The following CNOT4 variants were observed in gnomAD, a reference collection of about 807,000 sequenced individuals.
The protein encoded by CNOT4 is CCR4-NOT transcription complex subunit 4.
In CNOT4, 8 loss-of-function variants were observed where a neutral mutation model predicts 73.8. The ratio of observed to expected loss-of-function variants is 0.11; its 90% CI spans 0.06 to 0.20. The LOEUF (loss-of-function observed/expected upper bound fraction) is 0.20. CNOT4 is among the 10% of genes least tolerant of loss of function. CNOT4 has a pLI of 1.00. For synonymous variants in CNOT4, 293 were observed against 321.1 expected, an observed-to-expected ratio of 0.91 and a Z score of 0.94; for missense variants, 564 against 883.4, an observed-to-expected ratio of 0.64 and a Z score of 4.58.
chr7:135,397,977 T>A (rs1311600784), intron 8 of CNOT4, among the ~76,000 whole-genome samples, 192 bp downstream of exon 8: 1 of 152,016 alleles, frequency 6.6e-6, no homozygotes, highest in African/African-American at 2.4e-5. Context: ...TTCTGAGTCA[T>A]TAAAAAAGGG....
At chr7:135,426,923 C>CA (rs34873636) in intron 2 of CNOT4, among the ~76,000 whole-genome samples, 919 of 69,910 alleles carry the variant, frequency 0.013, 8 homozygotes, top group African/African-American at 0.033. Context: ...AACTCCATCT[C>CA]AAAAAAAAAA....
intron 7 of CNOT4, among the ~76,000 whole-genome samples, chr7:135,401,870 T>G (rs1201942315): frequency 1.3e-5 from 2 of 152,186 alleles, no homozygotes; most frequent in African/African-American, 4.8e-5. Flanking sequence ...ATCAAGATGC[T>G]GAAGTCCATA....
At chr7:135,490,129 C>A (rs1803010175) in intron 1 of CNOT4, among the ~76,000 whole-genome samples, 1 of 152,154 alleles carries the variant, frequency 6.6e-6, no homozygotes, top group Non-Finnish European at 1.5e-5. Flanking sequence ...CGTTCATTTT[C>A]TTCACAATTT....
At chr7:135,505,982 CA>C (rs1161420960) in intron 1 of CNOT4, among the ~76,000 whole-genome samples, 1 of 152,200 alleles carries the variant, frequency 6.6e-6, no homozygotes, top group Admixed American at 6.5e-5. Context: ...AAAAGTCCCA[CA>C]TATCTTCTTT....
chr7:135,508,669 T>C (rs372691868), intron 1 of CNOT4, among the ~76,000 whole-genome samples: 139 of 152,288 alleles, frequency 9.1e-4, no homozygotes, highest in African/African-American at 3.2e-3. Context: ...AAATAAAATG[T>C]CATCAATTAA....
intron 1 of CNOT4, among the ~76,000 whole-genome samples, chr7:135,469,802 G>A (rs1801460078): frequency 6.6e-6 from 1 of 151,308 alleles, no homozygotes; most frequent in African/African-American, 2.4e-5. Flanking sequence ...TGTTGTTGGT[G>A]GTGATGTGTG....
intron 2 of CNOT4, among the ~76,000 whole-genome samples, chr7:135,428,751 G>A (rs1310378602): frequency 6.6e-6 from 1 of 152,044 alleles, no homozygotes. Context: ...GAGTCACAGA[G>A]GAGAAGAAAG....
chr7:135,507,486 A>C (rs994719265), intron 1 of CNOT4, among the ~76,000 whole-genome samples: 4 of 152,236 alleles, frequency 2.6e-5, no homozygotes, highest in African/African-American at 4.8e-5. Flanking sequence ...TAAACGTACT[A>C]AAGATACAAA....
At chr7:135,475,254 C>T (rs191899337) in intron 1 of CNOT4, among the ~76,000 whole-genome samples, 38 of 152,288 alleles carry the variant, frequency 2.5e-4, no homozygotes, top group African/African-American at 8.9e-4. Flanking sequence ...ACCAGACTTT[C>T]AGGGTGAAGA....
intron 1 of CNOT4, among the ~76,000 whole-genome samples, chr7:135,464,630 A>G (rs1409492114): frequency 6.6e-6 from 1 of 152,134 alleles, no homozygotes; most frequent in African/African-American, 2.4e-5. Context: ...GTGTTTACCT[A>G]TGTAACAAAC....
chr7:135,474,276 ATTTTTT>A (rs869203152), intron 1 of CNOT4, among the ~76,000 whole-genome samples: 225 of 87,994 alleles, frequency 2.6e-3, no homozygotes, highest in Non-Finnish European at 4.3e-3. Context: ...CTGTGCCCAA[ATTTTTT>A]TTTTTTTTTT....
chr7:135,481,326 G>GA (rs910534838), intron 1 of CNOT4, among the ~76,000 whole-genome samples: 1 of 151,732 alleles, frequency 6.6e-6, no homozygotes, highest in Non-Finnish European at 1.5e-5. Context: ...ACAAGTATAT[G>GA]AAAAAAATGT....
chr7:135,451,516 C>T (rs1257211457), intron 1 of CNOT4, among the ~76,000 whole-genome samples: 1 of 152,018 alleles, frequency 6.6e-6, no homozygotes, highest in Non-Finnish European at 1.5e-5. Context: ...TGGTCTCGAA[C>T]TCCTGGACTC....
At chr7:135,412,357 TAGAC>T (rs1554430226) in intron 6 of CNOT4, among the ~76,000 whole-genome samples, 3 of 151,932 alleles carry the variant, frequency 2.0e-5, no homozygotes, top group Admixed American at 6.6e-5. Context: ...TAAATTCTGA[TAGAC>T]AGAAATTGAT....
chr7:135,506,131 T>A (rs1485925848), intron 1 of CNOT4, among the ~76,000 whole-genome samples: 3 of 152,206 alleles, frequency 2.0e-5, no homozygotes, highest in Non-Finnish European at 2.9e-5. Flanking sequence ...GAATGGATAT[T>A]TGCAGATTTT....
intron 1 of CNOT4, among the ~76,000 whole-genome samples, chr7:135,500,931 G>A (rs560241636): frequency 2.0e-5 from 3 of 150,444 alleles, no homozygotes; most frequent in Non-Finnish European, 2.9e-5. Context: ...CTATTCTCCA[G>A]TGAATATCTT....
At chr7:135,434,764 G>C (rs1799051076) in intron 2 of CNOT4, among the ~76,000 whole-genome samples, 1 of 152,062 alleles carries the variant, frequency 6.6e-6, no homozygotes, top group African/African-American at 2.4e-5. Flanking sequence ...TTTCTAATAG[G>C]AATCTCATAC....
At chr7:135,420,247 C>T (rs1313170290) in intron 3 of CNOT4, among the ~76,000 whole-genome samples, 1 of 151,874 alleles carries the variant, frequency 6.6e-6, no homozygotes, top group African/African-American at 2.4e-5. Context: ...GATAAAAGTT[C>T]CATTCATTTA....
In CNOT4 at chr7:135,363,995, T is replaced by C. The variant is rs775266666; in HGVS notation, c.1699A>G (p.Ile567Val). The change falls in exon 11 of 12, where the codon ATT becomes GTT. Residue 567 changes from isoleucine (I) to valine (V), a missense_variant. By Grantham distance (29) the Ile-to-Val change is conservative. Coordinates refer to ENST00000541284, the MANE Select transcript of CNOT4 (RefSeq NM_001190850.2). This position sits in a 1 kb window ranked among gnomAD's most constrained non-coding sequence, Gnocchi z 4.3. Reference protein sequence around the residue: ...QDGLRALLPNININFGGLPNS... With the variant: ...QDGLRALLPNVNINFGGLPNS... ...GGCAGTCCACCAAAGTTGATGTTAA[T>C]GTTGGGTAGAAGTGCCCTTAGCCCG... is the stretch of plus-strand genomic sequence containing the variant. 3 of 1,598,518 alleles carry C rather than the reference T, an allele frequency of 1.9e-6. No homozygotes were observed. Among genetic ancestry groups the C allele is most frequent in the East Asian group, 2.2e-5 (1 of 44,868 alleles).
Sources: gnomAD v4.1 joint callset for allele counts (sites outside exome capture counted in the v4.1 genomes callset) on GRCh38, gnomAD v4.1.1 for gene constraint, Gnocchi (gnomAD v3.1) non-coding constraint, MANE v1.5 for transcripts, NCBI Gene and HGNC (gene_info 2026-07-23, HGNC 2026-07-21) for gene names.